The following CCDC88C variants were observed in gnomAD, a reference collection of about 807,000 sequenced individuals.
CCDC88C encodes the protein coiled-coil and HOOK domain protein 88C.
A neutral mutation model predicts 198.8 loss-of-function variants in CCDC88C; 131 were observed. The observed-to-expected ratio is 0.66, with a 90% CI of 0.57 to 0.76. CCDC88C has a LOEUF of 0.76. CCDC88C is among the 30% of genes least tolerant of loss of function. The pLI is 0.00. For synonymous variants in CCDC88C, 1,166 were observed against 1,114.7 expected (o/e 1.05, Z -0.92); for missense variants, 2,553 against 2,631.6 (o/e 0.97, Z 0.65).
In CCDC88C at chr14:91,371,711, C is replaced by T. The variant is rs1036296629; in HGVS notation, c.271-12000G>A. ...CCAGCAAGTAGCTGGGCTGGGGGAA[C>T]GTGGCGCCTGCCCACACAGTGTCCC... On this transcript the variant is annotated intron_variant, in intron 3 of 29. Coordinates refer to ENST00000389857, the MANE Select transcript of CCDC88C (RefSeq NM_001080414.4). This position sits in a 1 kb window ranked among gnomAD's most constrained non-coding sequence, Gnocchi z 4.2. Among the ~76,000 whole-genome samples, 2 of 152,204 alleles carry T rather than the reference C, an allele frequency of 1.3e-5. No homozygotes were observed. The highest frequency in any genetic ancestry group is 2.4e-5 in the African/African-American group (1 of 41,442).
In CCDC88C at chr14:91,299,712, C is replaced by T. The variant is rs116785936; in HGVS notation, c.3779+215G>A. Among the ~76,000 whole-genome samples the T allele has an allele frequency of 5.4e-3, 825 of 152,326 alleles. 6 individuals are homozygous for T. Among genetic ancestry groups the T allele is most frequent in the African/African-American group, 0.019 (788 of 41,572 alleles). On this transcript the variant is annotated intron_variant, in intron 21 of 29. Coordinates refer to ENST00000389857, the MANE Select transcript of CCDC88C (RefSeq NM_001080414.4). ...GGAGGGGAGAACCACTTAACTCAGA[C>T]GACGCGCCATCCCCAGGTGTCACCT...
At position 91,352,100 on chromosome 14, in the gene CCDC88C, C is replaced by G. The variant is rs139804291; in HGVS notation, c.340+7542G>C. ...GGGAAAGGGTCCCTCCCAACCACCA[C>G]GTGGAAAACTCAAACATAAAGACCT... is the stretch of plus-strand genomic sequence containing the variant. On this transcript the variant is annotated intron_variant, in intron 4 of 29. Transcript: ENST00000389857. This position sits in a 1 kb window ranked among gnomAD's most constrained non-coding sequence, Gnocchi z 4.2. Among the ~76,000 whole-genome samples the G allele has an allele frequency of 9.0e-4, 137 of 152,330 alleles. No individual in the cohort carries two copies. The highest frequency in any genetic ancestry group is 6.8e-3 in the Middle Eastern group (2 of 294).
rs1893147814 is a variant in CCDC88C at position 91,338,362 on chromosome 14, G to A, written c.891+127C>T. On this transcript the variant is annotated intron_variant, in intron 9 of 29. Transcript: ENST00000389857. The surrounding 1 kb of genome is among the most constrained non-coding windows in gnomAD (Gnocchi z 4.8). Reference sequence around the variant, plus strand: ...GAAACAGGGTCATCCCCATAGCCGTGCTCAGGACAAGTGGCTCTTGTGTGG... The same window carrying A: ...GAAACAGGGTCATCCCCATAGCCGTACTCAGGACAAGTGGCTCTTGTGTGG... 1.0e-6 allele frequency: 1 copy of A among 989,228 alleles called. No individual in the cohort carries two copies. Among genetic ancestry groups the A allele is most frequent in the Non-Finnish European group, 1.5e-6 (1 of 650,356 alleles). 61.3% of individuals were successfully genotyped at this position (989,228 alleles called of 1,614,324 possible). A position where few individuals can be genotyped will look rare whatever the true frequency, so the allele number is the denominator to read the frequency against.
At chr14:91,281,316 G>A in intron 27 of CCDC88C, 141 bp downstream of exon 27, 1 of 1,533,474 alleles carries the variant, frequency 6.5e-7, no homozygotes, top group Admixed American at 2.0e-5. Context: ...CCCCTGGGGA[G>A]GGGAAGGAAG....
At chr14:91,274,824 A>G (rs975996848) in intron 29 of CCDC88C, among the ~76,000 whole-genome samples, 1 of 152,186 alleles carries the variant, frequency 6.6e-6, no homozygotes, top group Non-Finnish European at 1.5e-5. Flanking sequence ...AAGGTAAAGA[A>G]ACAGGTCACG....
At chr14:91,279,375 G>T in intron 27 of CCDC88C, 69 bp from the exon 28 acceptor site, 2 of 1,309,228 alleles carry the variant, frequency 1.5e-6, no homozygotes, top group South Asian at 1.3e-5. Flanking sequence ...AGCCATCTAA[G>T]AAAAACGATG....
chr14:91,381,555 G>A lies in CCDC88C; in HGVS notation c.271-21844C>T, dbSNP rs1262760246. Among the ~76,000 whole-genome samples the A allele has an allele frequency of 5.3e-5, 8 of 152,338 alleles. No individual in the cohort carries two copies. Among genetic ancestry groups the A allele is most frequent in the South Asian group, 2.1e-4 (1 of 4,832 alleles). On this transcript the variant is annotated intron_variant, in intron 3 of 29. Coordinates refer to ENST00000389857, the MANE Select transcript of CCDC88C (RefSeq NM_001080414.4). The surrounding 1 kb of genome is among the most constrained non-coding windows in gnomAD (Gnocchi z 4.2). ...TCCATTCAAGCCGGGCCTTTTGGCCGGGTGCGGTGGCTCATGCCTGTAATC... is the reference window on the plus strand; with the variant it reads ...TCCATTCAAGCCGGGCCTTTTGGCCAGGTGCGGTGGCTCATGCCTGTAATC...
intron 1 of CCDC88C, 46 bp from the exon 2 acceptor site, chr14:91,416,884 G>A (rs760660169): frequency 2.2e-6 from 3 of 1,386,570 alleles, no homozygotes; most frequent in Non-Finnish European, 3.0e-6. Context: ...GTCACCCCGT[G>A]CGCACAAACG....
chr14:91,345,761 C>T (rs1893515578), intron 4 of CCDC88C, among the ~76,000 whole-genome samples: 1 of 152,084 alleles, frequency 6.6e-6, no homozygotes, highest in Admixed American at 6.5e-5. Context: ...TGCATCTTCA[C>T]CTGTTTATCT....
chr14:91,300,848 A>G (rs951023221), intron 20 of CCDC88C, among the ~76,000 whole-genome samples: 2 of 152,108 alleles, frequency 1.3e-5, no homozygotes, highest in Non-Finnish European at 2.9e-5. Flanking sequence ...TTCACGGGTG[A>G]CCCAGGATCT....
intron 10 of CCDC88C, among the ~76,000 whole-genome samples, chr14:91,330,291 C>T (rs149282153): frequency 1.4e-3 from 213 of 152,298 alleles, no homozygotes; most frequent in Middle Eastern, 0.014. Flanking sequence ...GCCGCAGAGT[C>T]GGAAGAGAGA....
intron 2 of CCDC88C, among the ~76,000 whole-genome samples, chr14:91,410,435 A>G (rs1369189862): frequency 6.6e-6 from 1 of 152,184 alleles, no homozygotes; most frequent in East Asian, 1.9e-4. Context: ...TTAGTAGAAA[A>G]TTGACAAAGG....
rs1285784 is a variant in CCDC88C, at chr14:91,337,843, C to A, written c.1050+162G>T. On this transcript the variant is annotated intron_variant, in intron 10 of 29. Transcript: ENST00000389857. ...GACTGGGAGATGAAGAGGAGCAAGA[C>A]GGGGGCCCTGGGAAGCCCAGGCAGG... Among the ~76,000 whole-genome samples, 1,366 of 152,336 alleles carry A rather than the reference C, an allele frequency of 9.0e-3. 23 individuals carry two copies. Among genetic ancestry groups the A allele is most frequent in the East Asian group, 0.022 (112 of 5,178 alleles).
chr14:91,324,911 C>T lies in CCDC88C; in HGVS notation c.1210G>A (p.Asp404Asn), dbSNP rs967773507. 1.2e-6 allele frequency: 2 copies of T among 1,613,610 alleles called. No individual in the cohort carries two copies. The highest frequency in any genetic ancestry group is 1.3e-5 in the African/African-American group (1 of 74,932). The change falls in exon 12 of 30, where the codon GAT becomes AAT. Residue 404 changes from aspartate (D) to asparagine (N), a missense_variant. Asp to Asn is a conservative substitution (Grantham distance 23). Coordinates refer to ENST00000389857, the MANE Select transcript of CCDC88C (RefSeq NM_001080414.4). ...LHDLELDRDT[D>N]KKRIEELLEE... ...AGCAGCTCCTCAATTCGTTTCTTAT[C>T]TGTGTCCCGGTCCTGGGGCAAGCAA...
At chr14:91,294,522 T>C (rs568444522) in intron 22 of CCDC88C, among the ~76,000 whole-genome samples, 1 of 152,362 alleles carries the variant, frequency 6.6e-6, no homozygotes, top group East Asian at 1.9e-4. Context: ...TTAATCCAGA[T>C]GTCCCTGGCA....
At chr14:91,319,562 T>C (rs1892256437) in intron 13 of CCDC88C, among the ~76,000 whole-genome samples, 2 of 152,234 alleles carry the variant, frequency 1.3e-5, no homozygotes, top group African/African-American at 2.4e-5. Flanking sequence ...CATTATCACT[T>C]TAGTCAACAA....
In CCDC88C at chr14:91,397,017, A is replaced by G. The variant is rs140491204; in HGVS notation, c.270+11642T>C. Among the ~76,000 whole-genome samples the G allele has an allele frequency of 3.4e-4, 52 of 152,306 alleles. No individual in the cohort carries two copies. In the East Asian group the frequency reaches 8.7e-3, roughly 25 times the overall value. On this transcript the variant is annotated intron_variant, in intron 3 of 29. Coordinates refer to ENST00000389857, the MANE Select transcript of CCDC88C (RefSeq NM_001080414.4). ...AGCAAGACCCTGTCACCAAAAAAAA[A>G]AGAAAGAAAGAAAAAAACTTGAGCA...
rs750813462 is a variant in CCDC88C, at chr14:91,313,087, A to G, written c.2729T>C (p.Leu910Pro). 6.3e-7 allele frequency: 1 copy of G among 1,580,646 alleles called. No homozygotes were observed. The highest frequency in any genetic ancestry group is 1.7e-5 in the Admixed American group (1 of 57,902). Reference sequence around the variant, plus strand: ...CCGCCTGTGTTTGCTCACCTCCCTCAGAGTTGTCAGTGTCCTTGCATGCAC... The same window carrying G: ...CCGCCTGTGTTTGCTCACCTCCCTCGGAGTTGTCAGTGTCCTTGCATGCAC... ...VTVHARTLTT[L>P]REDLVLEKLK... The change falls in exon 15 of 30, where the codon CTG (leucine) becomes CCG (proline). Residue 910 changes from leucine (L) to proline (P), a missense_variant. Leu to Pro is a moderately conservative substitution (Grantham distance 98). Coordinates refer to ENST00000389857, the MANE Select transcript of CCDC88C (RefSeq NM_001080414.4). This position sits in a 1 kb window ranked among gnomAD's most constrained non-coding sequence, Gnocchi z 5.2.
intron 13 of CCDC88C, among the ~76,000 whole-genome samples, chr14:91,320,520 A>T (rs1892311506): frequency 6.6e-6 from 1 of 152,226 alleles, no homozygotes; most frequent in African/African-American, 2.4e-5. Context: ...TCTAGGCAAT[A>T]GCGGAGCCCA....
Sources: gnomAD v4.1 joint callset for allele counts (sites outside exome capture counted in the v4.1 genomes callset) on GRCh38, gnomAD v4.1.1 for gene constraint, Gnocchi (gnomAD v3.1) non-coding constraint, MANE v1.5 for transcripts, NCBI Gene and HGNC (gene_info 2026-07-23, HGNC 2026-07-21) for gene names.